Variants in GADL1 observed in about 807,000 individuals in gnomAD.
GADL1 encodes the protein acidic amino acid decarboxylase GADL1.
GADL1 carries 71 observed loss-of-function variants against 69.5 expected under a neutral mutation model. The ratio of observed to expected loss-of-function variants is 1.02; its 90% CI spans 0.84 to 1.25. GADL1 has a LOEUF of 1.25. GADL1 is among the 50% of genes most tolerant of loss of function. GADL1 has a pLI of 0.00. For missense variants in GADL1, 737 were observed against 631.8 expected, an observed-to-expected ratio of 1.17 and a Z score of -1.79; for synonymous variants, 254 against 214.4, an observed-to-expected ratio of 1.18 and a Z score of -1.62.
chr3:30,835,323 A>G (rs1040347641), intron 9 of GADL1, among the ~76,000 whole-genome samples: 2 of 152,066 alleles, frequency 1.3e-5, no homozygotes, highest in African/African-American at 2.4e-5. Context: ...GTTGCTTAGG[A>G]TGTAGCAACT....
intron 11 of GADL1, among the ~76,000 whole-genome samples, chr3:30,815,069 G>T (rs1697439373): frequency 1.3e-5 from 2 of 151,990 alleles, no homozygotes; most frequent in Non-Finnish European, 2.9e-5. Flanking sequence ...GAGATAAAAT[G>T]GCCATGGTTT....
Position 30,728,106 on chromosome 3 carries a change from G to A in GADL1, c.*136C>T. The A allele has an allele frequency of 1.5e-6, 1 of 681,488 alleles. No homozygotes were observed. Among genetic ancestry groups the A allele is most frequent in the Admixed American group, 2.4e-5 (1 of 42,398 alleles). The allele number at this position is 681,488 out of a possible 1,614,324, so 42.2% of individuals were successfully genotyped here. On this transcript the variant is annotated 3_prime_UTR_variant, in exon 15 of 15. Coordinates refer to ENST00000282538, the MANE Select transcript of GADL1 (RefSeq NM_207359.3). ...CTTAATATTCATTGCTTAGCATTTTGGTTTTGCTGGGCCTGGACTGGGAGT... is the reference window on the plus strand; with the variant it reads ...CTTAATATTCATTGCTTAGCATTTTAGTTTTGCTGGGCCTGGACTGGGAGT...
intron 14 of GADL1, among the ~76,000 whole-genome samples, chr3:30,761,725 G>T (rs1243546645): frequency 6.7e-6 from 1 of 148,752 alleles, no homozygotes; most frequent in Non-Finnish European, 1.5e-5. Context: ...AGTAGACAAA[G>T]TAACATCATT....
intron 8 of GADL1, 131 bp from the exon 9 acceptor site, chr3:30,839,244 T>C (rs1697924194): frequency 1.8e-6 from 1 of 544,114 alleles, no homozygotes; most frequent in Non-Finnish European, 3.2e-6. Flanking sequence ...ATTAATTCAA[T>C]GGGTGTTTTT....
At chr3:30,824,021 A>C (rs541831263) in intron 11 of GADL1, among the ~76,000 whole-genome samples, 1 of 151,862 alleles carries the variant, frequency 6.6e-6, no homozygotes, top group Non-Finnish European at 1.5e-5. Context: ...TTTAATTGAC[A>C]TGCCAGAAAA....
intron 14 of GADL1, among the ~76,000 whole-genome samples, chr3:30,757,189 TAAG>T (rs75369128): frequency 6.3e-4 from 96 of 152,134 alleles, no homozygotes; most frequent in African/African-American, 2.1e-3. Flanking sequence ...ATTGAAAAAA[TAAG>T]AAATGGCCTC....
chr3:30,751,672 C>T (rs528773631), intron 14 of GADL1, among the ~76,000 whole-genome samples: 2 of 152,242 alleles, frequency 1.3e-5, no homozygotes, highest in African/African-American at 2.4e-5. Flanking sequence ...TAAGCCCACC[C>T]CTTCATCTAG....
At chr3:30,845,973 T>C (rs1030187180) in intron 6 of GADL1, among the ~76,000 whole-genome samples, 13 of 151,520 alleles carry the variant, frequency 8.6e-5, no homozygotes, top group African/African-American at 2.2e-4. Flanking sequence ...AAAAATCTTG[T>C]AATCAGAATT....
At chr3:30,874,669 A>G (rs1338418066) in intron 1 of GADL1, among the ~76,000 whole-genome samples, 2 of 152,000 alleles carry the variant, frequency 1.3e-5, no homozygotes, top group Non-Finnish European at 2.9e-5. Context: ...GTAAGCATCT[A>G]GAACCTATTT....
At chr3:30,814,271 T>G (rs1423077785) in intron 11 of GADL1, among the ~76,000 whole-genome samples, 1 of 152,172 alleles carries the variant, frequency 6.6e-6, no homozygotes, top group Non-Finnish European at 1.5e-5. Flanking sequence ...ATAGGTTCAT[T>G]TACCCACTGA....
At chr3:30,740,998 T>TTATATATTATATAATATATTATA in intron 14 of GADL1, among the ~76,000 whole-genome samples, 1 of 102,738 alleles carries the variant, frequency 9.7e-6, no homozygotes, top group African/African-American at 4.4e-5. Context: ...ATATTATATA[T>TTATATATTATATAATATATTATA]TAATATATAT....
chr3:30,854,657 TA>T, intron 4 of GADL1, 41 bp downstream of exon 4: 1 of 1,178,698 alleles, frequency 8.5e-7, no homozygotes, highest in Non-Finnish European at 1.2e-6. Context: ...TTAAAGTCTC[TA>T]ATCCACGTTT....
chr3:30,839,998 G>T (rs1697941126), intron 8 of GADL1, among the ~76,000 whole-genome samples: 1 of 152,012 alleles, frequency 6.6e-6, no homozygotes, highest in Non-Finnish European at 1.5e-5. Context: ...TCGCTGTGTA[G>T]GTGAAGTTTG....
At chr3:30,815,975 C>T (rs1456894894) in intron 11 of GADL1, among the ~76,000 whole-genome samples, 7 of 152,058 alleles carry the variant, frequency 4.6e-5, no homozygotes, top group African/African-American at 1.2e-4. Context: ...TCAGGTTCCT[C>T]GTCTGTACAG....
intron 11 of GADL1, among the ~76,000 whole-genome samples, chr3:30,801,341 TGAG>T (rs972885196): frequency 6.6e-6 from 1 of 152,112 alleles, no homozygotes; most frequent in African/African-American, 2.4e-5. Context: ...ATTGAGAAGC[TGAG>T]AAGACCATGT....
chr3:30,790,353 C>T (rs1223850489), intron 12 of GADL1, among the ~76,000 whole-genome samples: 9 of 152,122 alleles, frequency 5.9e-5, no homozygotes, highest in Admixed American at 5.2e-4. Context: ...GAACTGATGA[C>T]TCAAACATTT....
chr3:30,796,663 C>G (rs184477775), intron 12 of GADL1, among the ~76,000 whole-genome samples: 3 of 152,246 alleles, frequency 2.0e-5, no homozygotes, highest in Admixed American at 2.0e-4. Flanking sequence ...TAAACCCAAC[C>G]TGAAGGAAAG....
intron 6 of GADL1, among the ~76,000 whole-genome samples, chr3:30,847,367 G>T (rs547736639): frequency 9.8e-5 from 15 of 152,288 alleles, no homozygotes; most frequent in Non-Finnish European, 1.9e-4. Flanking sequence ...ATTTGGGGTA[G>T]CACAAAAACT....
intron 11 of GADL1, among the ~76,000 whole-genome samples, chr3:30,816,533 T>TC (rs1697474325): frequency 4.8e-5 from 2 of 41,818 alleles, no homozygotes; most frequent in Non-Finnish European, 4.0e-5. Context: ...TTGTTTTCTT[T>TC]TTTTTTTTTT....
Sources: gnomAD v4.1 joint callset for allele counts (sites outside exome capture counted in the v4.1 genomes callset) on GRCh38, gnomAD v4.1.1 for gene constraint, MANE v1.5 for transcripts, NCBI Gene and HGNC (gene_info 2026-07-23, HGNC 2026-07-21) for gene names.